Variants in AAK1 observed in about 807,000 individuals in gnomAD.
AAK1 encodes the protein AP2 associated kinase 1.
Under a neutral mutation model 116.0 loss-of-function variants are expected in AAK1, and 37 were observed. The observed-to-expected ratio is 0.32, with a 90% CI of 0.25 to 0.42. The LOEUF is 0.42. AAK1 is among the 10% of genes least tolerant of loss of function. AAK1 has a pLI of 1.00. For synonymous variants in AAK1, 458 were observed against 439.9 expected (o/e 1.04, Z -0.51); for missense variants, 919 against 1,170.6 (o/e 0.79, Z 3.14).
Position 69,569,265 on chromosome 2 carries a change from A to C in AAK1, c.164-12287T>G, listed in dbSNP as rs535277632. ...TCAAACATACAGTAAAGTTGAAAAG[A>C]TCAAACTGCAAACATCCATACACCC... is the stretch of plus-strand genomic sequence containing the variant. On this transcript the variant is annotated intron_variant, in intron 2 of 21. Transcript: ENST00000409085. 7.2e-5 allele frequency among the ~76,000 whole-genome samples: 11 copies of C among 152,320 alleles called. No homozygotes were observed. In the South Asian group the frequency reaches 2.3e-3, roughly 32 times the overall value.
chr2:69,563,399 A>T (rs947795870), intron 2 of AAK1, among the ~76,000 whole-genome samples: 1 of 152,210 alleles, frequency 6.6e-6, no homozygotes, highest in Non-Finnish European at 1.5e-5. Flanking sequence ...TGAGACAAAG[A>T]AGCCCATCAT....
In AAK1 at chr2:69,470,656, G is replaced by A. The variant is rs1351310117; in HGVS notation, c.*5213C>T. On this transcript the variant is annotated 3_prime_UTR_variant, in exon 22 of 22. Transcript: ENST00000409085. Reference sequence around the variant, plus strand: ...TAGAGGAGGGAAGCTGCAAACCTGCGCTCCATTTTACAACCCTGAGTCTGG... The same window carrying A: ...TAGAGGAGGGAAGCTGCAAACCTGCACTCCATTTTACAACCCTGAGTCTGG... The A allele has an allele frequency of 9.1e-6, 9 of 985,280 alleles. No homozygotes were observed. The highest frequency in any genetic ancestry group is 1.1e-5 in the Non-Finnish European group (9 of 829,930). 61.0% of individuals were successfully genotyped at this position (985,280 alleles called of 1,614,324 possible). A position where few individuals can be genotyped will look rare whatever the true frequency, so the allele number is the denominator to read the frequency against.
At chr2:69,558,748 A>C (rs1259503437) in intron 2 of AAK1, among the ~76,000 whole-genome samples, 1 of 152,188 alleles carries the variant, frequency 6.6e-6, no homozygotes, top group Non-Finnish European at 1.5e-5. Context: ...CTGGGTTAGG[A>C]GCCACATGCA....
Position 69,544,496 on chromosome 2 carries a change from T to C in AAK1, c.331A>G (p.Ile111Val). ...KNIVGYIDSS[I>V]NNVSSGDVWE... ...ACATCACCGCTACTCACGTTGTTGA[T>C]ACTAGAATCAATGTAACCCACAATA... The change falls in exon 4 of 22, where the codon ATC becomes GTC. Residue 111 changes from isoleucine to valine, a missense_variant. This residue lies in a region of AAK1 where 317 missense variants were observed against 490.4 expected (regional missense o/e 0.65). Coordinates refer to ENST00000409085, the MANE Select transcript of AAK1 (RefSeq NM_014911.5). 1 of 1,613,906 alleles carries C rather than the reference T, an allele frequency of 6.2e-7. No homozygotes were observed. Among genetic ancestry groups the C allele is most frequent in the Non-Finnish European group, 8.5e-7 (1 of 1,179,812 alleles).
At chr2:69,563,238 G>T (rs1357174543) in intron 2 of AAK1, among the ~76,000 whole-genome samples, 1 of 152,182 alleles carries the variant, frequency 6.6e-6, no homozygotes, top group East Asian at 1.9e-4. Context: ...TGTTCTGAAT[G>T]AATCAGGACA....
intron 2 of AAK1, among the ~76,000 whole-genome samples, chr2:69,569,764 A>G (rs1558969380): frequency 6.6e-6 from 1 of 152,104 alleles, no homozygotes. Flanking sequence ...TTGTGTAAGG[A>G]TATTTTACTC....
chr2:69,569,177 A>C (rs1183798937), intron 2 of AAK1, among the ~76,000 whole-genome samples: 1 of 152,170 alleles, frequency 6.6e-6, no homozygotes, highest in African/African-American at 2.4e-5. Flanking sequence ...GGAAAGTCCA[A>C]ATTCCTTAAT....
chr2:69,557,051 A>T, intron 2 of AAK1, 73 bp from the exon 3 acceptor site: 3 of 1,131,856 alleles, frequency 2.7e-6, no homozygotes, highest in Non-Finnish European at 4.0e-6. Context: ...TGGTGGCTGG[A>T]GGTTGCCACT....
chr2:69,483,603 G>T (rs1675179832), intron 17 of AAK1, among the ~76,000 whole-genome samples: 1 of 151,852 alleles, frequency 6.6e-6, no homozygotes, highest in Non-Finnish European at 1.5e-5. Flanking sequence ...TCTTTTTTCG[G>T]GGGTTGGGGG....
chr2:69,486,370 G>T (rs78563450), intron 17 of AAK1, among the ~76,000 whole-genome samples: 5,691 of 152,220 alleles, frequency 0.037, 343 homozygotes, highest in African/African-American at 0.13. Context: ...TAAACTGCCT[G>T]ATTTAGGGGG....
At chr2:69,526,082 T>C (rs933110856) in intron 9 of AAK1, among the ~76,000 whole-genome samples, 1 of 151,986 alleles carries the variant, frequency 6.6e-6, no homozygotes, top group South Asian at 2.1e-4. Context: ...AGGAGAAGAG[T>C]TGACTTCTGT....
intron 5 of AAK1, among the ~76,000 whole-genome samples, chr2:69,532,587 T>C (rs527416121): frequency 1.2e-4 from 19 of 152,304 alleles, no homozygotes; most frequent in Non-Finnish European, 2.5e-4. Context: ...AAATGCCATG[T>C]CCTTTTTGAA....
At chr2:69,557,495 C>T (rs1377061572) in intron 2 of AAK1, among the ~76,000 whole-genome samples, 1 of 151,982 alleles carries the variant, frequency 6.6e-6, no homozygotes, top group Non-Finnish European at 1.5e-5. Flanking sequence ...TAGAGAAGTG[C>T]TTTTGCTATG....
At position 69,480,903 on chromosome 2, in the gene AAK1, C is replaced by A. The variant is rs781136362; in HGVS notation, c.2526G>T (p.Gln842His). 5.0e-6 allele frequency: 8 copies of A among 1,607,078 alleles called. No individual in the cohort carries two copies. Among genetic ancestry groups the A allele is most frequent in the Admixed American group, 1.7e-5 (1 of 59,212 alleles). Residue 842 changes from glutamine to histidine, a missense_variant, in exon 19 of 22, where the codon CAG becomes CAT. This residue lies in a region of AAK1 where 263 missense variants were observed against 285.5 expected (regional missense o/e 0.92). Coordinates refer to ENST00000409085, the MANE Select transcript of AAK1 (RefSeq NM_014911.5). ...LIPGLEPPVP[Q>H]RLPSQTESVT... ...CAGATTCCGTCTGAGATGGGAGGCG[C>A]TGGGGAACTGGGGGCTCCAGTCCTG...
intron 10 of AAK1, among the ~76,000 whole-genome samples, chr2:69,524,412 T>TTTTTGTTTTGTTTTGTTTTG (rs72095421): frequency 3.4e-5 from 5 of 148,574 alleles, no homozygotes; most frequent in African/African-American, 1.0e-4. Flanking sequence ...CAACATTCTT[T>TTTTTGTTTTGTTTTGTTTTG]TTTTGTTTTG....
intron 2 of AAK1, among the ~76,000 whole-genome samples, chr2:69,558,059 T>C (rs951645040): frequency 1.8e-4 from 27 of 152,230 alleles, no homozygotes; most frequent in South Asian, 1.0e-3. Flanking sequence ...CAGAAATATA[T>C]AAGCCAGGTG....
At chr2:69,627,936 C>T (rs1373898372) in intron 2 of AAK1, among the ~76,000 whole-genome samples, 1 of 152,180 alleles carries the variant, frequency 6.6e-6, no homozygotes, top group Non-Finnish European at 1.5e-5. Context: ...TTATTGACAC[C>T]ATTATCTACC....
At chr2:69,607,829 G>A (rs915212026) in intron 2 of AAK1, among the ~76,000 whole-genome samples, 2 of 152,216 alleles carry the variant, frequency 1.3e-5, no homozygotes, top group African/African-American at 2.4e-5. Flanking sequence ...ACAGACATAT[G>A]TGCTACAGCA....
intron 3 of AAK1, among the ~76,000 whole-genome samples, chr2:69,551,294 T>C (rs551015574): frequency 3.9e-5 from 6 of 152,310 alleles, no homozygotes; most frequent in Non-Finnish European, 7.4e-5. Context: ...GATGCTGGGC[T>C]TAATACCTAG....
Sources: allele counts gnomAD v4.1 joint callset (sites outside exome capture counted in the v4.1 genomes callset), GRCh38; gene constraint gnomAD v4.1.1; regional missense constraint gnomAD v4.1.1; transcripts MANE v1.5; gene names NCBI Gene and HGNC (gene_info 2026-07-23, HGNC 2026-07-21).